PIGK: variants seen among roughly 807,000 people sequenced by gnomAD.
PIGK encodes the protein phosphatidylinositol glycan anchor biosynthesis class K.
A neutral mutation model predicts 50.6 loss-of-function variants in PIGK; 42 were observed. That is an observed-to-expected ratio of 0.83 (90% confidence interval 0.65 to 1.07). PIGK has a LOEUF of 1.07. Ranked by LOEUF, PIGK falls within the 50% of genes least tolerant of loss-of-function variation. PIGK has a pLI of 0.00. For missense variants in PIGK, 448 were observed against 488.7 expected (o/e 0.92, Z 0.78); for synonymous variants, 151 against 156.0 (o/e 0.97, Z 0.24).
At chr1:77,150,557 A>T (rs779480501) in intron 9 of PIGK, among the ~76,000 whole-genome samples, 1 of 151,976 alleles carries the variant, frequency 6.6e-6, no homozygotes, top group Non-Finnish European at 1.5e-5. Flanking sequence ...AAGATCAACA[A>T]AGCAAACTGT....
chr1:77,182,274 A>G (rs149699876), intron 3 of PIGK, among the ~76,000 whole-genome samples: 3 of 152,338 alleles, frequency 2.0e-5, no homozygotes, highest in African/African-American at 7.2e-5. Context: ...AGATTGCGCA[A>G]GGGCAGGAAG....
At chr1:77,207,374 T>C (rs1298097583) in intron 2 of PIGK, among the ~76,000 whole-genome samples, 4 of 152,210 alleles carry the variant, frequency 2.6e-5, no homozygotes, top group Non-Finnish European at 5.9e-5. Context: ...TCAAAGACAA[T>C]GCCCATAATT....
chr1:77,094,865 G>A (rs1653372910), intron 10 of PIGK, among the ~76,000 whole-genome samples: 1 of 152,112 alleles, frequency 6.6e-6, no homozygotes, highest in African/African-American at 2.4e-5. Context: ...CTAGACCGCT[G>A]ATGGCCAGGG....
intron 3 of PIGK, among the ~76,000 whole-genome samples, chr1:77,186,594 G>A (rs979122818): frequency 2.0e-5 from 3 of 152,214 alleles, no homozygotes; most frequent in Admixed American, 6.5e-5. Flanking sequence ...TCAGCAATGG[G>A]TGACTTCAGC....
chr1:77,120,081 C>G (rs1224760070), intron 10 of PIGK, among the ~76,000 whole-genome samples: 2 of 152,068 alleles, frequency 1.3e-5, no homozygotes, highest in African/African-American at 4.8e-5. Context: ...AAGATTATTT[C>G]TCATGAAAAT....
intron 9 of PIGK, among the ~76,000 whole-genome samples, chr1:77,124,621 A>C (rs550120955): frequency 0.078 from 10,645 of 136,888 alleles, 1,099 homozygotes; most frequent in African/African-American, 0.24. Context: ...AACAAACAAC[A>C]AAAAAAAAAA....
intron 10 of PIGK, among the ~76,000 whole-genome samples, chr1:77,104,759 G>C (rs1298547328): frequency 6.6e-6 from 1 of 152,230 alleles, no homozygotes; most frequent in Non-Finnish European, 1.5e-5. Flanking sequence ...ATGTGAGCAA[G>C]CGAGTGTGGG....
At chr1:77,209,976 A>G (rs1265239984) in intron 2 of PIGK, among the ~76,000 whole-genome samples, 1 of 152,104 alleles carries the variant, frequency 6.6e-6, no homozygotes, top group African/African-American at 2.4e-5. Context: ...TGAAATTCAC[A>G]AAACAAAATT....
chr1:77,135,558 T>C (rs568695713), intron 9 of PIGK, among the ~76,000 whole-genome samples: 1 of 152,186 alleles, frequency 6.6e-6, no homozygotes, highest in South Asian at 2.1e-4. Flanking sequence ...TAATGCAGTA[T>C]TGTTATAAAC....
chr1:77,138,577 C>A (rs1399918737), intron 9 of PIGK, among the ~76,000 whole-genome samples: 1 of 152,192 alleles, frequency 6.6e-6, no homozygotes, highest in Non-Finnish European at 1.5e-5. Context: ...ACCCAGCCAA[C>A]CTGTACGCAC....
chr1:77,129,400 A>G, intron 9 of PIGK: 1 of 1,540,670 alleles, frequency 6.5e-7, no homozygotes, highest in Middle Eastern at 2.3e-4. Flanking sequence ...CACATGCTTA[A>G]AAACACAGAG....
intron 10 of PIGK, among the ~76,000 whole-genome samples, chr1:77,101,012 G>A (rs551401510): frequency 6.6e-6 from 1 of 152,302 alleles, no homozygotes; most frequent in South Asian, 2.1e-4. Flanking sequence ...CTGGACTCCT[G>A]ACTCATGGAA....
chr1:77,202,549 T>C (rs552706123), intron 3 of PIGK, among the ~76,000 whole-genome samples: 1 of 152,324 alleles, frequency 6.6e-6, no homozygotes, highest in Admixed American at 6.5e-5. Flanking sequence ...ATGTCAGATT[T>C]GGAATCAGAC....
At position 77,091,023 on chromosome 1, in the gene PIGK, G is replaced by A. The variant is rs1653284348; in HGVS notation, c.*1351C>T. The A allele has an allele frequency of 6.6e-6, 1 of 152,096 alleles. No homozygotes were observed. Among genetic ancestry groups the A allele is most frequent in the South Asian group, 2.1e-4 (1 of 4,830 alleles). The allele number at this position is 152,096 out of a possible 1,614,324, so 9.4% of individuals were successfully genotyped here. ...AAATCTTAAGGAATATTAATTTTAGGAGGTTTTCTTGTGGAGGAAGAGTTG... is the reference window on the plus strand; with the variant it reads ...AAATCTTAAGGAATATTAATTTTAGAAGGTTTTCTTGTGGAGGAAGAGTTG... On this transcript the variant is annotated 3_prime_UTR_variant, in exon 11 of 11. Coordinates refer to ENST00000370812, the MANE Select transcript of PIGK (RefSeq NM_005482.3).
intron 9 of PIGK, among the ~76,000 whole-genome samples, chr1:77,134,399 G>C (rs1654452358): frequency 6.6e-6 from 1 of 152,126 alleles, no homozygotes. Flanking sequence ...TTAGAATTTG[G>C]CAAGTATTTT....
rs535421292 is a variant in PIGK at position 77,103,365 on chromosome 1, C to T, written c.1072-10875G>A. On this transcript the variant is annotated intron_variant, in intron 10 of 10. Transcript: ENST00000370812. ...TTAACTGAGAAAAATAACCCATAGTCCCCTCAAATAAATAATAAAGCTTCA... is the reference window on the plus strand; with the variant it reads ...TTAACTGAGAAAAATAACCCATAGTTCCCTCAAATAAATAATAAAGCTTCA... Among the ~76,000 whole-genome samples, 36 of 152,148 alleles carry T rather than the reference C, an allele frequency of 2.4e-4. No homozygotes were observed. The South Asian group carries it at 7.3e-3, about 31-fold the overall frequency.
At chr1:77,120,930 C>A (rs908274183) in intron 10 of PIGK, among the ~76,000 whole-genome samples, 23 of 152,152 alleles carry the variant, frequency 1.5e-4, no homozygotes, top group African/African-American at 5.1e-4. Context: ...GGAATTCACA[C>A]AGTGTATAAC....
intron 10 of PIGK, among the ~76,000 whole-genome samples, chr1:77,114,894 C>T (rs902304702): frequency 6.6e-6 from 1 of 152,042 alleles, no homozygotes; most frequent in African/African-American, 2.4e-5. Context: ...TTAGGGAAAG[C>T]GCTACAAGAT....
At chr1:77,115,430 G>A (rs994830365) in intron 10 of PIGK, among the ~76,000 whole-genome samples, 1 of 151,832 alleles carries the variant, frequency 6.6e-6, no homozygotes, top group Non-Finnish European at 1.5e-5. Flanking sequence ...GTTCAGAAAA[G>A]GTGAGGGCAT....
Sources: gnomAD v4.1 joint callset for allele counts (sites outside exome capture counted in the v4.1 genomes callset) on GRCh38, gnomAD v4.1.1 for gene constraint, MANE v1.5 for transcripts, NCBI Gene and HGNC (gene_info 2026-07-23, HGNC 2026-07-21) for gene names.